Variants in PRTG observed in about 807,000 individuals in gnomAD.
The protein encoded by PRTG is immunoglobulin superfamily, DCC subclass, member 5.
Under a neutral mutation model 122.5 loss-of-function variants are expected in PRTG, and 67 were observed. The observed-to-expected ratio is 0.55, with a 90% confidence interval of 0.45 to 0.67. The LOEUF (loss-of-function observed/expected upper bound fraction) is 0.67. PRTG is among the 30% of genes least tolerant of loss of function. PRTG has a pLI of 0.00. For missense variants in PRTG, 1,435 were observed against 1,415.4 expected, an observed-to-expected ratio of 1.01 and a Z score of -0.22; for synonymous variants, 554 against 501.1, an observed-to-expected ratio of 1.11 and a Z score of -1.41.
In PRTG at chr15:55,639,805, G is replaced by T; in HGVS notation, c.2161C>A (p.Pro721Thr). 2 of 1,614,138 alleles carry T rather than the reference G, an allele frequency of 1.2e-6. No individual in the cohort carries two copies. The highest frequency in any genetic ancestry group is 1.7e-6 in the Non-Finnish European group (2 of 1,180,012). Reference protein sequence around the residue: ...CVSVRDRMVPPPPPPHHLYAK... With the variant: ...CVSVRDRMVPTPPPPHHLYAK... The stretch of plus-strand genomic sequence containing the variant: ...TAGAGATGGTGGGGTGGTGGTGGAG[G>T]AGGGACCATGCGATCACGAACAGCT... The change falls in exon 13 of 20, where the codon CCT becomes ACT. Residue 721 changes from proline (P) to threonine (T), a missense_variant. Pro to Thr is a conservative substitution (Grantham distance 38). Coordinates refer to ENST00000389286, the MANE Select transcript of PRTG (RefSeq NM_173814.6).
intron 11 of PRTG, among the ~76,000 whole-genome samples, chr15:55,646,402 A>C (rs1411140336): frequency 6.6e-6 from 1 of 151,522 alleles, no homozygotes; most frequent in Non-Finnish European, 1.5e-5. Flanking sequence ...AGCTCACTGC[A>C]AGCTCCGCCT....
At chr15:55,686,700 G>A (rs1346822811) in intron 2 of PRTG, among the ~76,000 whole-genome samples, 1 of 152,066 alleles carries the variant, frequency 6.6e-6, no homozygotes, top group African/African-American at 2.4e-5. Flanking sequence ...ATTATTCCCT[G>A]TAAAACTCTA....
chr15:55,723,504 C>A (rs1452715238), intron 2 of PRTG, among the ~76,000 whole-genome samples: 2 of 150,856 alleles, frequency 1.3e-5, no homozygotes, highest in Non-Finnish European at 2.9e-5. Context: ...GAGAAAGAGG[C>A]AGAAAGAGTA....
chr15:55,718,891 C>A (rs1192374034), intron 2 of PRTG, among the ~76,000 whole-genome samples: 1 of 151,580 alleles, frequency 6.6e-6, no homozygotes, highest in Non-Finnish European at 1.5e-5. Flanking sequence ...TACAGGTGCA[C>A]ACCGTCATGC....
intron 5 of PRTG, 64 bp from the exon 6 acceptor site, chr15:55,680,276 A>G: frequency 3.0e-6 from 4 of 1,316,888 alleles, no homozygotes; most frequent in Non-Finnish European, 4.3e-6. Context: ...ATGTCAAAAG[A>G]CCACTATCCA....
At chr15:55,640,109 A>C (rs1375592800) in intron 12 of PRTG, 1 of 291,916 alleles carries the variant, frequency 3.4e-6, no homozygotes, top group Non-Finnish European at 4.9e-6. Context: ...TGTGGCTGTC[A>C]GAGTGCAGTT....
intron 11 of PRTG, among the ~76,000 whole-genome samples, chr15:55,642,264 AC>A (rs1212149828): frequency 1.3e-5 from 2 of 152,138 alleles, no homozygotes; most frequent in Non-Finnish European, 2.9e-5. Flanking sequence ...TAATAAAAAT[AC>A]ATTTAAGTTA....
At chr15:55,620,844 T>C in intron 18 of PRTG, 77 bp from the exon 19 acceptor site, 1 of 1,162,374 alleles carries the variant, frequency 8.6e-7, no homozygotes, top group South Asian at 1.4e-5. Context: ...GTGCATACTT[T>C]AACTTTTACT....
chr15:55,645,333 C>T (rs544146209), intron 11 of PRTG, among the ~76,000 whole-genome samples: 8 of 144,490 alleles, frequency 5.5e-5, no homozygotes, highest in Non-Finnish European at 9.0e-5. Context: ...ACACGGGAGG[C>T]TGAGGCAGGA....
intron 3 of PRTG, 47 bp from the exon 4 acceptor site, chr15:55,682,544 T>TTTTTTTTTTTTATTTATTTA (rs375857024): frequency 4.4e-6 from 2 of 457,536 alleles, no homozygotes; most frequent in African/African-American, 4.5e-5. Flanking sequence ...AGATTTCATA[T>TTTTTTTTTTTTATTTATTTA]TTTATTTATT....
At position 55,620,655 on chromosome 15, in the gene PRTG, T is replaced by G. The variant is rs550591943; in HGVS notation, c.3198+8A>C. On this transcript the variant is annotated splice_region_variant and intron_variant, in intron 19 of 19. Transcript: ENST00000389286. ...TTGCCAAAAATTTTTCTCATTTAGA[T>G]AGGTTACCTGCTCAACTTGTATCTT... 2 of 1,575,692 alleles carry G rather than the reference T, an allele frequency of 1.3e-6. No homozygotes were observed. The highest frequency in any genetic ancestry group is 4.3e-5 in the Admixed American group (2 of 46,666).
chr15:55,656,385 G>T lies in PRTG; in HGVS notation c.2042-15177C>A, dbSNP rs1321077776. On this transcript the variant is annotated intron_variant, in intron 11 of 19. Coordinates refer to ENST00000389286, the MANE Select transcript of PRTG (RefSeq NM_173814.6). Reference sequence around the variant, plus strand: ...CATTTTTGACAAGAATACTACAAAGGTTAAATTATGACTTTAATTTAGGGT... The same window carrying T: ...CATTTTTGACAAGAATACTACAAAGTTTAAATTATGACTTTAATTTAGGGT... The T allele has an allele frequency of 6.6e-6, 3 of 452,478 alleles. No homozygotes were observed. The Admixed American group carries it at 7.1e-5, about 11-fold the overall frequency. 28.0% of individuals were successfully genotyped at this position (452,478 alleles called of 1,614,324 possible).
intron 2 of PRTG, among the ~76,000 whole-genome samples, chr15:55,727,753 G>A (rs977382763): frequency 6.6e-5 from 10 of 152,130 alleles, no homozygotes; most frequent in Non-Finnish European, 1.2e-4. Context: ...CCAAGATGGC[G>A]CCACTGCACT....
intron 2 of PRTG, among the ~76,000 whole-genome samples, chr15:55,686,879 G>C (rs2059573352): frequency 6.6e-6 from 1 of 152,124 alleles, no homozygotes; most frequent in Admixed American, 6.5e-5. Context: ...ATTCTTTAAA[G>C]CCTGGTTCAC....
intron 2 of PRTG, among the ~76,000 whole-genome samples, chr15:55,718,195 C>T (rs1366962771): frequency 2.6e-5 from 4 of 152,160 alleles, no homozygotes; most frequent in African/African-American, 9.7e-5. Context: ...CCAATAGAAA[C>T]TCGACAGTGG....
chr15:55,626,914 G>A (rs769246625), intron 17 of PRTG, 94 bp downstream of exon 17: 4 of 1,135,038 alleles, frequency 3.5e-6, no homozygotes, highest in Non-Finnish European at 4.9e-6. Flanking sequence ...GGAAATCCCA[G>A]TTACTCTAAA....
Position 55,626,205 on chromosome 15 carries a change from CA to C in PRTG, c.2927+802del, listed in dbSNP as rs1489212038. On this transcript the variant is annotated intron_variant, in intron 17 of 19. Coordinates refer to ENST00000389286, the MANE Select transcript of PRTG (RefSeq NM_173814.6). ...CCAAGGTGGGCAGACCATTTAAGGT[CA>C]GGAGTTCAAGACCAGCCTGGCCAAC... Among the ~76,000 whole-genome samples the C allele has an allele frequency of 3.3e-5, 5 of 152,176 alleles. No individual in the cohort carries two copies. The East Asian group carries it at 7.8e-4, about 24-fold the overall frequency.
At chr15:55,662,343 G>A (rs927032829) in intron 11 of PRTG, among the ~76,000 whole-genome samples, 3 of 152,130 alleles carry the variant, frequency 2.0e-5, no homozygotes, top group African/African-American at 7.2e-5. Context: ...AGGCAGAAAT[G>A]CAAATCATGA....
At chr15:55,658,743 C>T (rs4774800) in intron 11 of PRTG, among the ~76,000 whole-genome samples, 104,732 of 152,126 alleles carry the variant, frequency 0.69, 36,478 homozygotes, top group Middle Eastern at 0.77. Flanking sequence ...TATTAATTTA[C>T]ATTCTCGCTT....
Sources: gnomAD v4.1 joint callset for allele counts (sites outside exome capture counted in the v4.1 genomes callset) on GRCh38, gnomAD v4.1.1 for gene constraint, MANE v1.5 for transcripts, NCBI Gene and HGNC (gene_info 2026-07-23, HGNC 2026-07-21) for gene names.